The following GPI variants were observed in gnomAD, a reference collection of about 807,000 sequenced individuals.
The protein encoded by GPI is D-hexose-6-phosphate anomerase.
A neutral mutation model predicts 75.8 loss-of-function variants in GPI; 56 were observed. The ratio of observed to expected loss-of-function variants is 0.74; its 90% CI spans 0.60 to 0.92. GPI has a LOEUF of 0.92. Among genes scored for constraint, GPI ranks in the 40% least tolerant of loss-of-function variants. The pLI, the probability that GPI is intolerant of heterozygous loss-of-function variation, is 0.00. For synonymous variants in GPI, 288 were observed against 285.4 expected (o/e 1.01, Z -0.09); for missense variants, 638 against 741.0 (o/e 0.86, Z 1.61).
At chr19:34,372,086 A>G (rs923360275) in intron 4 of GPI, among the ~76,000 whole-genome samples, 2 of 151,598 alleles carry the variant, frequency 1.3e-5, no homozygotes, top group Non-Finnish European at 2.9e-5. Context: ...ATCCGCCACC[A>G]CACCCAGCTA....
intron 4 of GPI, among the ~76,000 whole-genome samples, 159 bp from the exon 5 acceptor site, chr19:34,377,331 AAAAAAATATATAT>A (rs2074557371): frequency 1.1e-5 from 1 of 90,940 alleles, no homozygotes; most frequent in African/African-American, 5.6e-5. Flanking sequence ...AAAAAAAAAA[AAAAAAATATATAT>A]ATATATATAT....
At chr19:34,365,175 C>A (rs370484673), upstream of GPI, 5 of 1,272,952 alleles carry the variant, frequency 3.9e-6, no homozygotes, top group Admixed American at 7.7e-5. Flanking sequence ...CCATAAAGGC[C>A]GCCGCGCGCC....
In GPI at chr19:34,393,869, C is replaced by T. The variant is rs1196263274; in HGVS notation, c.910-45C>T. 1.9e-6 allele frequency: 3 copies of T among 1,610,332 alleles called. No homozygotes were observed. The highest frequency in any genetic ancestry group is 2.2e-5 in the East Asian group (1 of 44,866). On this transcript the variant is annotated intron_variant, in intron 11 of 17. Transcript: ENST00000356487. This position sits in a 1 kb window ranked among gnomAD's most constrained non-coding sequence, Gnocchi z 4.4. The stretch of plus-strand genomic sequence containing the variant: ...TCCCCCACTGTCCTGTCCCTCCCCT[C>T]CCCGTGCAGCTGCTCAGCTCCCACT...
rs111897081 is a variant in GPI, at chr19:34,368,544, T to TG, written c.283-31dup. Reference sequence around the variant, plus strand: ...AGCTGGGAGCATGGCTGCCTGGGGTTGGGGGGGGCAGTCTTTATATCCTGA... The same window carrying TG: ...AGCTGGGAGCATGGCTGCCTGGGGTTGGGGGGGGGCAGTCTTTATATCCTGA... On this transcript the variant is annotated intron_variant, in intron 3 of 17. Coordinates refer to ENST00000356487, the MANE Select transcript of GPI (RefSeq NM_000175.5). The TG allele has an allele frequency of 1.6e-3, 2,505 of 1,605,698 alleles. 8 individuals carry two copies. The highest frequency in any genetic ancestry group is 1.5e-3 in the Non-Finnish European group (1,741 of 1,172,934).
At chr19:34,379,097 C>T (rs1362020248) in intron 7 of GPI, 92 bp downstream of exon 7, 21 of 1,125,878 alleles carry the variant, frequency 1.9e-5, no homozygotes, top group Non-Finnish European at 1.5e-5. Flanking sequence ...CCGTGTTTCT[C>T]CTGAAGTTGG....
intron 4 of GPI, among the ~76,000 whole-genome samples, chr19:34,371,198 G>A (rs1273957614): frequency 6.6e-6 from 1 of 152,222 alleles, no homozygotes; most frequent in African/African-American, 2.4e-5. Flanking sequence ...AGGCTGATAA[G>A]GTATTTATAG....
At chr19:34,379,587 A>G (rs1014912611) in intron 8 of GPI, 25 bp downstream of exon 8, 2 of 1,600,034 alleles carry the variant, frequency 1.2e-6, no homozygotes, top group South Asian at 1.1e-5. Context: ...GGTCCCCTGT[A>G]CTGCCTTCCT....
At chr19:34,376,765 T>C (rs775928825) in intron 4 of GPI, among the ~76,000 whole-genome samples, 4 of 150,770 alleles carry the variant, frequency 2.7e-5, no homozygotes, top group African/African-American at 7.3e-5. Context: ...AATAAGTAAA[T>C]AGCGAGGCGC....
intron 9 of GPI, among the ~76,000 whole-genome samples, chr19:34,389,084 C>T (rs542213876): frequency 6.6e-6 from 1 of 152,030 alleles, no homozygotes; most frequent in Admixed American, 6.6e-5. Flanking sequence ...AGAGCAAGAC[C>T]CTGTCTCTTA....
chr19:34,361,510 T>C (rs2074301371), upstream of GPI, among the ~76,000 whole-genome samples: 1 of 152,230 alleles, frequency 6.6e-6, no homozygotes, highest in Admixed American at 6.5e-5. Flanking sequence ...GTAGTAAACC[T>C]GGCTGGAGTA....
intron 9 of GPI, 134 bp downstream of exon 9, chr19:34,381,653 C>T: frequency 1.3e-6 from 1 of 783,896 alleles, no homozygotes; most frequent in Non-Finnish European, 2.3e-6. Flanking sequence ...GGTAGAGAGG[C>T]CCTCAGAGAG....
chr19:34,394,068 T>C lies in GPI; in HGVS notation c.1062+2T>C. The C allele has an allele frequency of 6.2e-7, 1 of 1,608,640 alleles. No homozygotes were observed. The highest frequency in any genetic ancestry group is 1.1e-5 in the South Asian group (1 of 91,046). ...CGCTTTGCTGCGTACTTCCAGCAGGTACCAGCTGCCAAGCCAGGCCTTGGA... is the reference window on the plus strand; with the variant it reads ...CGCTTTGCTGCGTACTTCCAGCAGGCACCAGCTGCCAAGCCAGGCCTTGGA... On this transcript the variant is annotated splice_donor_variant, in intron 12 of 17. Coordinates refer to ENST00000356487, the MANE Select transcript of GPI (RefSeq NM_000175.5). LOFTEE classifies it high-confidence loss of function.
rs2075023917 is a variant in GPI, at chr19:34,401,645, A to C, written c.*1609A>C. 1 of 151,952 alleles carries C rather than the reference A, an allele frequency of 6.6e-6. No homozygotes were observed. The highest frequency in any genetic ancestry group is 6.6e-5 in the Admixed American group (1 of 15,240). The allele number at this position is 151,952 out of a possible 1,614,324, so 9.4% of individuals were successfully genotyped here. A position where few individuals can be genotyped will look rare whatever the true frequency, so the allele number is the denominator to read the frequency against. On this transcript the variant is annotated 3_prime_UTR_variant, in exon 18 of 18. Transcript: ENST00000356487. ...TGAGCCGCCACACCCAGCCTATTCA[A>C]AATTTTTTTTTCTTAGAGACAGGGT...
rs2074570289 is a variant in GPI, at chr19:34,377,736, G to C, written c.488G>C (p.Gly163Ala). The change falls in exon 6 of 18, where the codon GGA (glycine) becomes GCA (alanine). Residue 163 changes from glycine (G) to alanine (A), a missense_variant and splice_region_variant. Transcript: ENST00000356487. ...INIGIGGSDL[G>A]PLMVTEALKP... is the part of the protein sequence containing the mutation. Reference sequence around the variant, plus strand: ...CTCTGATGCTATGTCTCCCCGCAGGGACCCCTCATGGTGACTGAAGCCCTT... The same window carrying C: ...CTCTGATGCTATGTCTCCCCGCAGGCACCCCTCATGGTGACTGAAGCCCTT... 1 of 1,613,912 alleles carries C rather than the reference G, an allele frequency of 6.2e-7. No homozygotes were observed. The highest frequency in any genetic ancestry group is 8.5e-7 in the Non-Finnish European group (1 of 1,179,920).
At chr19:34,370,487 G>A (rs1300643672) in intron 4 of GPI, among the ~76,000 whole-genome samples, 1 of 152,196 alleles carries the variant, frequency 6.6e-6, no homozygotes, top group Non-Finnish European at 1.5e-5. Flanking sequence ...GGGAGGCTGA[G>A]GCAGGTGGAT....
At chr19:34,390,249 T>C (rs1460347595) in intron 9 of GPI, among the ~76,000 whole-genome samples, 1 of 144,292 alleles carries the variant, frequency 6.9e-6, no homozygotes, top group Non-Finnish European at 1.5e-5. Context: ...TATGAGGCAC[T>C]GGGCCACTGT....
chr19:34,387,055 G>T (rs1053196882), intron 9 of GPI, among the ~76,000 whole-genome samples: 1 of 152,210 alleles, frequency 6.6e-6, no homozygotes, highest in Admixed American at 6.5e-5. Flanking sequence ...CATAAATAAA[G>T]CTGGACCCTG....
chr19:34,376,410 A>G (rs2074536621), intron 4 of GPI, among the ~76,000 whole-genome samples: 1 of 151,962 alleles, frequency 6.6e-6, no homozygotes, highest in South Asian at 2.1e-4. Flanking sequence ...ACTAAAAATT[A>G]GCTGGGCAGG....
chr19:34,374,386 T>C (rs2074501730), intron 4 of GPI, among the ~76,000 whole-genome samples: 1 of 152,162 alleles, frequency 6.6e-6, no homozygotes, highest in African/African-American at 2.4e-5. Flanking sequence ...CAAGGACCAC[T>C]GGTCACCATC....
Sources: gnomAD v4.1 joint callset for allele counts (sites outside exome capture counted in the v4.1 genomes callset) on GRCh38, gnomAD v4.1.1 for gene constraint, Gnocchi (gnomAD v3.1) non-coding constraint, MANE v1.5 for transcripts, NCBI Gene and HGNC (gene_info 2026-07-23, HGNC 2026-07-21) for gene names.